Variants in CDCA7L observed in about 807,000 individuals in gnomAD.
CDCA7L encodes the protein cell division cycle-associated 7-like protein.
CDCA7L carries 44 observed loss-of-function variants against 57.4 expected under a neutral mutation model. That is an observed-to-expected ratio of 0.77 (90% confidence interval 0.60 to 0.98). CDCA7L has a LOEUF of 0.98. CDCA7L is among the 50% of genes least tolerant of loss of function. The pLI is 0.00. For synonymous variants in CDCA7L, 236 were observed against 202.8 expected (o/e 1.16, Z -1.39); for missense variants, 644 against 580.6 (o/e 1.11, Z -1.12).
At chr7:21,906,266 T>C in intron 6 of CDCA7L, 23 bp downstream of exon 6, 1 of 1,566,984 alleles carries the variant, frequency 6.4e-7, no homozygotes, top group Non-Finnish European at 8.7e-7. Flanking sequence ...CAAAAACTAA[T>C]TCATGTATTA....
Position 21,911,796 on chromosome 7 carries a change from T to C in CDCA7L, c.166-42A>G, listed in dbSNP as rs1443615603. On this transcript the variant is annotated intron_variant, in intron 2 of 9. Transcript: ENST00000406877. ...CATACATCAGAGACGGAAAGTAGAA[T>C]AGAGGTTACCAGGGAAGGGTAGAAT... 13 of 1,583,792 alleles carry C rather than the reference T, an allele frequency of 8.2e-6. No individual in the cohort carries two copies. The East Asian group carries it at 2.2e-4, about 27-fold the overall frequency.
chr7:21,930,479 G>C (rs539176803), intron 1 of CDCA7L, among the ~76,000 whole-genome samples: 1 of 151,996 alleles, frequency 6.6e-6, no homozygotes, highest in South Asian at 2.1e-4. Flanking sequence ...GGCAGATCAC[G>C]AGGTCAGGAG....
chr7:21,929,355 C>A (rs1785924901), intron 1 of CDCA7L, among the ~76,000 whole-genome samples: 1 of 152,004 alleles, frequency 6.6e-6, no homozygotes, highest in African/African-American at 2.4e-5. Context: ...AAAAACATAC[C>A]AAATTATAAA....
chr7:21,934,923 C>G (rs1370282956), intron 1 of CDCA7L, among the ~76,000 whole-genome samples: 1 of 144,258 alleles, frequency 6.9e-6, no homozygotes, highest in East Asian at 2.0e-4. Context: ...GAAGCAAACA[C>G]TGACAGAACT....
intron 9 of CDCA7L, 93 bp from the exon 10 acceptor site, chr7:21,902,445 A>T (rs1784944598): frequency 8.1e-7 from 1 of 1,233,004 alleles, no homozygotes; most frequent in Admixed American, 1.7e-5. Context: ...TAAGAGTACA[A>T]AGCCAGAACC....
intron 6 of CDCA7L, 108 bp downstream of exon 6, chr7:21,906,181 G>A (rs1785132292): frequency 1.1e-5 from 12 of 1,050,610 alleles, no homozygotes; most frequent in East Asian, 7.5e-5. Context: ...CTCAGCTGCC[G>A]CAGACCCACG....
intron 8 of CDCA7L, among the ~76,000 whole-genome samples, chr7:21,903,321 T>A (rs934820474): frequency 2.0e-5 from 3 of 152,152 alleles, no homozygotes; most frequent in Non-Finnish European, 4.4e-5. Flanking sequence ...TGACACCTTT[T>A]AGGGCTCCTT....
At chr7:21,916,649 A>G in intron 2 of CDCA7L, 105 bp downstream of exon 2, 1 of 1,046,080 alleles carries the variant, frequency 9.6e-7, no homozygotes, top group East Asian at 2.4e-5. Context: ...ATGCTAGACA[A>G]TGAACTGATA....
At chr7:21,902,393 T>TACACAAATGGCATTCTAGG (rs750543925) in intron 9 of CDCA7L, 41 bp from the exon 10 acceptor site, 1 of 1,583,290 alleles carries the variant, frequency 6.3e-7, no homozygotes, top group African/African-American at 1.3e-5. Flanking sequence ...GTAGTACAAA[T>TACACAAATGGCATTCTAGG]ACACAAATGG....
At chr7:21,914,106 G>GGATAAACTTATTTT (rs1785410660) in intron 2 of CDCA7L, among the ~76,000 whole-genome samples, 2 of 152,146 alleles carry the variant, frequency 1.3e-5, no homozygotes, top group South Asian at 2.1e-4. Flanking sequence ...TAACATAGGT[G>GGATAAACTTATTTT]GATAAACTTA....
chr7:21,927,456 T>C (rs1785863572), intron 1 of CDCA7L, among the ~76,000 whole-genome samples: 1 of 151,856 alleles, frequency 6.6e-6, no homozygotes, highest in Non-Finnish European at 1.5e-5. Flanking sequence ...CATTTGAAAA[T>C]ACTGAGTCAG....
At chr7:21,905,891 C>G (rs1184883334) in intron 6 of CDCA7L, among the ~76,000 whole-genome samples, 4 of 152,218 alleles carry the variant, frequency 2.6e-5, no homozygotes, top group South Asian at 2.1e-4. Flanking sequence ...GTGAACCACA[C>G]TGAACAGCCA....
intron 1 of CDCA7L, among the ~76,000 whole-genome samples, chr7:21,945,046 C>G (rs1786474516): frequency 6.6e-6 from 1 of 152,150 alleles, no homozygotes; most frequent in Non-Finnish European, 1.5e-5. Context: ...TAGAGAAAAG[C>G]TCTTTTAAGA....
At chr7:21,922,242 C>T (rs1475348856) in intron 1 of CDCA7L, among the ~76,000 whole-genome samples, 2 of 152,148 alleles carry the variant, frequency 1.3e-5, no homozygotes, top group African/African-American at 4.8e-5. Flanking sequence ...GCAGGTTTCC[C>T]TTATAAGCCA....
chr7:21,901,123 C>A lies in CDCA7L; in HGVS notation c.*1199G>T, dbSNP rs1467862243. ...CCCCGTGGACAGACAAGAAACCAAA[C>A]AGACCTACGAGTGCCCTGTGTATAG... On this transcript the variant is annotated 3_prime_UTR_variant, in exon 10 of 10. Coordinates refer to ENST00000406877, the MANE Select transcript of CDCA7L (RefSeq NM_018719.5). 6 of 1,613,932 alleles carry A rather than the reference C, an allele frequency of 3.7e-6. No homozygotes were observed. Among genetic ancestry groups the A allele is most frequent in the Admixed American group, 1.7e-5 (1 of 60,016 alleles).
At chr7:21,904,382 G>C in intron 7 of CDCA7L, 123 bp from the exon 8 acceptor site, 1 of 1,024,712 alleles carries the variant, frequency 9.8e-7, no homozygotes, top group Non-Finnish European at 1.4e-6. Flanking sequence ...AATCAAGCAG[G>C]ACTGTTTTCC....
intron 7 of CDCA7L, 21 bp downstream of exon 7, chr7:21,905,485 G>A: frequency 6.2e-7 from 1 of 1,610,882 alleles, no homozygotes; most frequent in Non-Finnish European, 8.5e-7. Context: ...CAATAAGAAT[G>A]ACAATTAATG....
At chr7:21,904,463 G>A (rs1017603609) in intron 7 of CDCA7L, among the ~76,000 whole-genome samples, 2 of 152,134 alleles carry the variant, frequency 1.3e-5, no homozygotes, top group African/African-American at 4.8e-5. Context: ...TGGCCTGTTT[G>A]GAACCGGGCT....
rs1325063015 is a variant in CDCA7L, at chr7:21,901,986, C to A, written c.*336G>T. ...AAGCCAAAGATAGATAGATCAAGTG[C>A]AGGAGCTGATCATACAATGTTTTCT... On this transcript the variant is annotated 3_prime_UTR_variant, in exon 10 of 10. Coordinates refer to ENST00000406877, the MANE Select transcript of CDCA7L (RefSeq NM_018719.5). 3.2e-6 allele frequency: 1 copy of A among 314,574 alleles called. No individual in the cohort carries two copies. Among genetic ancestry groups the A allele is most frequent in the Non-Finnish European group, 6.0e-6 (1 of 165,942 alleles). 19.5% of individuals were successfully genotyped at this position (314,574 alleles called of 1,614,324 possible).
Sources: gnomAD v4.1 joint callset for allele counts (sites outside exome capture counted in the v4.1 genomes callset) on GRCh38, gnomAD v4.1.1 for gene constraint, MANE v1.5 for transcripts, NCBI Gene and HGNC (gene_info 2026-07-23, HGNC 2026-07-21) for gene names.